Variants in ACAA2 observed in about 807,000 individuals in gnomAD.
ACAA2 encodes the protein acetyl-CoA acyltransferase 2, also known as 3-ketoacyl-CoA thiolase, mitochondrial.
ACAA2 carries 35 observed loss-of-function variants against 44.8 expected under a neutral mutation model. That is an observed-to-expected ratio of 0.78 (90% CI 0.60 to 1.04). The LOEUF (loss-of-function observed/expected upper bound fraction) is 1.04. ACAA2 is among the 50% of genes least tolerant of loss of function. The pLI is 0.00. For synonymous variants in ACAA2, 142 were observed against 166.5 expected, an observed-to-expected ratio of 0.85 and a Z score of 1.13; for missense variants, 468 against 482.6, an observed-to-expected ratio of 0.97 and a Z score of 0.28.
At chr18:49,789,770 G>T (rs3018195) in intron 7 of ACAA2, among the ~76,000 whole-genome samples, 1 of 151,560 alleles carries the variant, frequency 6.6e-6, no homozygotes, top group Admixed American at 6.6e-5. Context: ...GATCACCTGA[G>T]GTCAGTAGTT....
chr18:49,800,175 T>TG lies in ACAA2; in HGVS notation c.183+2511dup, dbSNP rs560673879. ...CCAGCCACCCCGTCTGGGAGGGAGG[T>TG]GGGGGGTCAGCCCCCCGCCCGGCCA... On this transcript the variant is annotated intron_variant, in intron 2 of 9. Transcript: ENST00000285093. Among the ~76,000 whole-genome samples, 193 of 21,146 alleles carry TG rather than the reference T, an allele frequency of 9.1e-3. 5 individuals are homozygous for TG. Among genetic ancestry groups the TG allele is most frequent in the Non-Finnish European group, 0.014 (141 of 9,880 alleles). The allele number at this position is 21,146 out of a possible 152,430, so 13.9% of individuals were successfully genotyped here. A position where few individuals can be genotyped will look rare whatever the true frequency, so the allele number is the denominator to read the frequency against.
rs1337896619 is a variant in ACAA2 at position 49,785,098 on chromosome 18, A to AAG, written c.1109+97_1109+98dup. 9 of 1,408,896 alleles carry AAG rather than the reference A, an allele frequency of 6.4e-6. No individual in the cohort carries two copies. In the African/African-American group the frequency reaches 1.3e-4, roughly 20 times the overall value. The allele number at this position is 1,408,896 out of a possible 1,614,324, so 87.3% of individuals were successfully genotyped here. Reference sequence around the variant, plus strand: ...GGTAACAGCCAGTGCAGGAGACATGAAGAAGAATGAAAAATGTTGGAGTGT... The same window carrying AAG: ...GGTAACAGCCAGTGCAGGAGACATGAAGAGAAGAATGAAAAATGTTGGAGTGT... On this transcript the variant is annotated intron_variant, in intron 9 of 9. Transcript: ENST00000285093.
rs374391794 is a variant in ACAA2, at chr18:49,782,619, C to A, written c.*1228G>T. ...CCAGCACTTCTTTGGGAGGCCGAGG[C>A]GGGTGGATCACGAGGTCAGGAGATC... On this transcript the variant is annotated 3_prime_UTR_variant, in exon 10 of 10. Coordinates refer to ENST00000285093, the MANE Select transcript of ACAA2 (RefSeq NM_006111.3). The A allele has an allele frequency of 6.7e-6, 1 of 148,676 alleles. No homozygotes were observed. The highest frequency in any genetic ancestry group is 2.1e-4 in the South Asian group (1 of 4,740). 9.2% of individuals were successfully genotyped at this position (148,676 alleles called of 1,614,324 possible).
At chr18:49,800,795 G>A (rs1312325105) in intron 2 of ACAA2, among the ~76,000 whole-genome samples, 2 of 150,112 alleles carry the variant, frequency 1.3e-5, no homozygotes, top group Non-Finnish European at 2.9e-5. Flanking sequence ...AGGAAAACCA[G>A]AGACCTTTGT....
chr18:49,802,965 T>C (rs2023572456), intron 1 of ACAA2, 112 bp from the exon 2 acceptor site: 2 of 1,282,902 alleles, frequency 1.6e-6, no homozygotes, highest in Non-Finnish European at 2.3e-6. Flanking sequence ...ATAATGGAAA[T>C]TTCTGTTAGG....
In ACAA2 at chr18:49,783,169, C is replaced by G. The variant is rs1336415728; in HGVS notation, c.*678G>C. 2 of 152,292 alleles carry G rather than the reference C, an allele frequency of 1.3e-5. No individual in the cohort carries two copies. The highest frequency in any genetic ancestry group is 3.9e-4 in the East Asian group (2 of 5,190). The allele number at this position is 152,292 out of a possible 1,614,324, so 9.4% of individuals were successfully genotyped here. ...CCATAAGGTGGATGAATCTTGAGAA[C>G]ATTATATAAAGTAAAGTAAAATAAG... On this transcript the variant is annotated 3_prime_UTR_variant, in exon 10 of 10. Coordinates refer to ENST00000285093, the MANE Select transcript of ACAA2 (RefSeq NM_006111.3).
chr18:49,812,777 T>A (rs1432890388), intron 1 of ACAA2: 1 of 152,202 alleles, frequency 6.6e-6, no homozygotes, highest in African/African-American at 2.4e-5. Context: ...GGTTCTTAGA[T>A]CCTGCCAAGC....
chr18:49,797,455 G>A lies in ACAA2; in HGVS notation c.312+11C>T, dbSNP rs769462613. On this transcript the variant is annotated intron_variant, in intron 3 of 9. Coordinates refer to ENST00000285093, the MANE Select transcript of ACAA2 (RefSeq NM_006111.3). ...ATATTTTCAGAGAATTTAAAAAAATGTTGTCCATACCTGACATCCATTCAC... is the reference window on the plus strand; with the variant it reads ...ATATTTTCAGAGAATTTAAAAAAATATTGTCCATACCTGACATCCATTCAC... 3.5e-5 allele frequency: 56 copies of A among 1,594,572 alleles called. No individual in the cohort carries two copies. Among genetic ancestry groups the A allele is most frequent in the Non-Finnish European group, 4.6e-5 (54 of 1,174,906 alleles).
intron 7 of ACAA2, among the ~76,000 whole-genome samples, chr18:49,787,744 C>CATAAACGGCTTTAAGATTGAAAA (rs2023350652): frequency 6.6e-6 from 1 of 152,116 alleles, no homozygotes; most frequent in African/African-American, 2.4e-5. Context: ...AAAGTTCTAC[C>CATAAACGGCTTTAAGATTGAAAA]ATAAACGGCT....
intron 1 of ACAA2, among the ~76,000 whole-genome samples, chr18:49,812,171 C>T (rs2023677880): frequency 6.6e-6 from 1 of 152,178 alleles, no homozygotes; most frequent in African/African-American, 2.4e-5. Flanking sequence ...TTGCAGGAAA[C>T]TGTAAACACT....
At chr18:49,788,051 T>C (rs1281362573) in intron 7 of ACAA2, among the ~76,000 whole-genome samples, 4 of 152,232 alleles carry the variant, frequency 2.6e-5, no homozygotes, top group African/African-American at 9.6e-5. Flanking sequence ...GCAGGAAATT[T>C]AAATAAAACA....
intron 3 of ACAA2, among the ~76,000 whole-genome samples, chr18:49,796,224 C>A (rs2023463411): frequency 6.6e-6 from 1 of 152,082 alleles, no homozygotes; most frequent in Non-Finnish European, 1.5e-5. Flanking sequence ...AAAGGACATA[C>A]CCTTTAAAAA....
intron 1 of ACAA2, among the ~76,000 whole-genome samples, chr18:49,804,676 T>G (rs2023592916): frequency 6.6e-6 from 1 of 152,194 alleles, no homozygotes; most frequent in Admixed American, 6.5e-5. Context: ...TCACAAAGAA[T>G]AGAGGAATTA....
chr18:49,788,049 T>TTTAAA (rs1236911413), intron 7 of ACAA2, among the ~76,000 whole-genome samples: 13 of 152,334 alleles, frequency 8.5e-5, no homozygotes, highest in Admixed American at 8.5e-4. Context: ...AGGCAGGAAA[T>TTTAAA]TTAAATAAAA....
At chr18:49,802,114 T>G (rs1377630235) in intron 2 of ACAA2, among the ~76,000 whole-genome samples, 1 of 152,162 alleles carries the variant, frequency 6.6e-6, no homozygotes, top group African/African-American at 2.4e-5. Flanking sequence ...GAAGATCAAT[T>G]AACTTCAAGT....
At position 49,795,889 on chromosome 18, in the gene ACAA2, AAAAC is replaced by A. The variant is rs746812562; in HGVS notation, c.313-12_313-9del. On this transcript the variant is annotated splice_polypyrimidine_tract_variant and intron_variant, in intron 3 of 9. Coordinates refer to ENST00000285093, the MANE Select transcript of ACAA2 (RefSeq NM_006111.3). ...TTCTTTAACACAAATTTCCTATTTA[AAAAC>A]AAACAGTAATAAAAACTCCTTTTAC... 1.9e-6 allele frequency: 3 copies of A among 1,576,394 alleles called. No individual in the cohort carries two copies. Among genetic ancestry groups the A allele is most frequent in the South Asian group, 1.1e-5 (1 of 88,134 alleles).
At chr18:49,800,109 C>T (rs539366600) in intron 2 of ACAA2, among the ~76,000 whole-genome samples, 421 of 148,460 alleles carry the variant, frequency 2.8e-3, no homozygotes, top group Admixed American at 5.2e-3. Context: ...CCAGGCCAGC[C>T]GCCCCGTCCG....
rs2023286837 is a variant in ACAA2 at position 49,783,215 on chromosome 18, A to AT, written c.*631dup. On this transcript the variant is annotated 3_prime_UTR_variant, in exon 10 of 10. Coordinates refer to ENST00000285093, the MANE Select transcript of ACAA2 (RefSeq NM_006111.3). ...ATAAGCCAGTCACGAAAGGACAGAT[A>AT]TTTATAATTTCACTTATGAGGTACC... The AT allele has an allele frequency of 6.6e-6, 1 of 152,322 alleles. No individual in the cohort carries two copies. The highest frequency in any genetic ancestry group is 2.1e-4 in the South Asian group (1 of 4,836). 9.4% of individuals were successfully genotyped at this position (152,322 alleles called of 1,614,324 possible). A position where few individuals can be genotyped will look rare whatever the true frequency, so the allele number is the denominator to read the frequency against.
Position 49,783,598 on chromosome 18 carries a change from T to A in ACAA2, c.*249A>T, listed in dbSNP as rs2023291024. 5.4e-6 allele frequency: 2 copies of A among 373,390 alleles called. No individual in the cohort carries two copies. Among genetic ancestry groups the A allele is most frequent in the East Asian group, 8.1e-5 (2 of 24,696 alleles). The allele number at this position is 373,390 out of a possible 1,614,324, so 23.1% of individuals were successfully genotyped here. A position where few individuals can be genotyped will look rare whatever the true frequency, so the allele number is the denominator to read the frequency against. On this transcript the variant is annotated 3_prime_UTR_variant, in exon 10 of 10. Transcript: ENST00000285093. ...GGCAAGAATACGATTTCTTTTAATG[T>A]CTTCTATAGTTGAGTTTTAGCTCAG...
Sources: allele counts gnomAD v4.1 joint callset (sites outside exome capture counted in the v4.1 genomes callset), GRCh38; gene constraint gnomAD v4.1.1; transcripts MANE v1.5; gene names NCBI Gene and HGNC (gene_info 2026-07-23, HGNC 2026-07-21).